Variants in ATP10B observed in about 807,000 individuals in gnomAD.
ATP10B encodes the protein ATPase phospholipid transporting 10B (putative).
ATP10B carries 122 observed loss-of-function variants against 141.2 expected under a neutral mutation model. The ratio of observed to expected loss-of-function variants is 0.86; its 90% CI spans 0.75 to 1.00. ATP10B has a LOEUF of 1.00. Among genes scored for constraint, ATP10B ranks in the 50% least tolerant of loss-of-function variants. ATP10B has a pLI of 0.00. For synonymous variants in ATP10B, 685 were observed against 692.0 expected (o/e 0.99, Z 0.16); for missense variants, 1,876 against 1,825.3 (o/e 1.03, Z -0.51).
At chr5:160,807,752 T>A (rs1772881594) in intron 1 of ATP10B, among the ~76,000 whole-genome samples, 1 of 152,216 alleles carries the variant, frequency 6.6e-6, no homozygotes, top group African/African-American at 2.4e-5. Flanking sequence ...GAATTCTTTT[T>A]AAATGTGATA....
chr5:160,684,625 T>C (rs184658817), intron 6 of ATP10B, among the ~76,000 whole-genome samples: 16 of 152,358 alleles, frequency 1.1e-4, no homozygotes, highest in African/African-American at 3.6e-4. Flanking sequence ...TGCTACATGA[T>C]AAAGACCTCC....
chr5:160,576,665 C>G (rs1755208622), intron 24 of ATP10B, among the ~76,000 whole-genome samples: 1 of 152,104 alleles, frequency 6.6e-6, no homozygotes, highest in Non-Finnish European at 1.5e-5. Flanking sequence ...TGAGATGAGG[C>G]CTGAAGGATG....
intron 1 of ATP10B, among the ~76,000 whole-genome samples, chr5:160,809,250 G>A (rs1772981843): frequency 6.6e-6 from 1 of 152,082 alleles, no homozygotes; most frequent in Non-Finnish European, 1.5e-5. Context: ...TAGCCTGTAG[G>A]CCATTTAAAA....
Position 160,620,521 on chromosome 5 carries a change from C to CA in ATP10B, c.2241dup (p.Val748CysfsTer20). ...AGGCAGGTGCCCTGGGGCAGGCGCA[C>CA]AGTCACCTGCTCAGGTGTCCGGGAC... On this transcript the variant is annotated frameshift_variant, in exon 15 of 26. Transcript: ENST00000327245. LOFTEE classifies it high-confidence loss of function. 6.2e-7 allele frequency: 1 copy of CA among 1,614,136 alleles called. No individual in the cohort carries two copies. Among genetic ancestry groups the CA allele is most frequent in the Non-Finnish European group, 8.5e-7 (1 of 1,179,984 alleles).
the ATP10B span, among the ~76,000 whole-genome samples, chr5:160,865,030 A>T: frequency 6.6e-6 from 1 of 152,104 alleles, no homozygotes; most frequent in Admixed American, 6.6e-5. Flanking sequence ...TGCAATTCCC[A>T]TTAAAATATC....
chr5:160,707,852 G>A (rs541589759), intron 3 of ATP10B, among the ~76,000 whole-genome samples: 8 of 152,316 alleles, frequency 5.3e-5, no homozygotes, highest in Non-Finnish European at 1.2e-4. Flanking sequence ...CAAAATGCCC[G>A]TGGAGACTCA....
At chr5:160,924,944 A>G in the ATP10B span, among the ~76,000 whole-genome samples, 2 of 152,136 alleles carry the variant, frequency 1.3e-5, no homozygotes, top group Admixed American at 6.5e-5. Flanking sequence ...GAGAATCCTG[A>G]AGAGAGGAGA....
At chr5:160,579,085 G>A (rs1005380389) in intron 24 of ATP10B, among the ~76,000 whole-genome samples, 1 of 152,174 alleles carries the variant, frequency 6.6e-6, no homozygotes, top group Non-Finnish European at 1.5e-5. Flanking sequence ...CCCTTTGTCA[G>A]ATGGATAGAT....
intron 1 of ATP10B, among the ~76,000 whole-genome samples, chr5:160,836,716 G>A (rs941151597): frequency 6.6e-6 from 1 of 152,008 alleles, no homozygotes; most frequent in African/African-American, 2.4e-5. Context: ...TGGTCCCTCT[G>A]GTTCCTCTGA....
At chr5:160,660,795 C>T (rs549035016) in intron 7 of ATP10B, among the ~76,000 whole-genome samples, 12 of 152,240 alleles carry the variant, frequency 7.9e-5, no homozygotes, top group Non-Finnish European at 1.3e-4. Flanking sequence ...AACCCCAGTC[C>T]GACTTAGGCA....
the ATP10B span, among the ~76,000 whole-genome samples, chr5:160,867,865 G>A: frequency 2.3e-3 from 348 of 152,176 alleles, no homozygotes; most frequent in Non-Finnish European, 3.5e-3. Flanking sequence ...AATTGTCTTC[G>A]TACATTATTT....
chr5:160,572,056 A>T (rs1382104243), intron 24 of ATP10B, among the ~76,000 whole-genome samples: 1 of 152,208 alleles, frequency 6.6e-6, no homozygotes, highest in Non-Finnish European at 1.5e-5. Context: ...AGTCTGCCAA[A>T]ACAAAAGTTC....
chr5:160,907,912 G>T, the ATP10B span, among the ~76,000 whole-genome samples: 1 of 152,172 alleles, frequency 6.6e-6, no homozygotes, highest in East Asian at 1.9e-4. Flanking sequence ...GCTAAAAGCT[G>T]GTGCGCCTCC....
intron 2 of ATP10B, among the ~76,000 whole-genome samples, chr5:160,752,362 G>T (rs535320543): frequency 1.3e-5 from 2 of 152,038 alleles, no homozygotes; most frequent in Non-Finnish European, 2.9e-5. Context: ...CTTGTGACAG[G>T]CTTAATGAGG....
intron 1 of ATP10B, among the ~76,000 whole-genome samples, chr5:160,829,452 A>G (rs930315250): frequency 6.6e-6 from 1 of 151,918 alleles, no homozygotes; most frequent in Non-Finnish European, 1.5e-5. Context: ...TTGGTTTCAT[A>G]TGCGTTTTAG....
the ATP10B span, among the ~76,000 whole-genome samples, chr5:160,888,241 A>G: frequency 6.6e-6 from 1 of 152,200 alleles, no homozygotes; most frequent in African/African-American, 2.4e-5. Flanking sequence ...ATAAATGTAT[A>G]ATGCTGAGAA....
At chr5:160,652,947 AATATAT>A (rs1561702332) in intron 7 of ATP10B, among the ~76,000 whole-genome samples, 37 of 84,248 alleles carry the variant, frequency 4.4e-4, no homozygotes, top group South Asian at 1.3e-3. Context: ...ATGTATATAT[AATATAT>A]TATATATACA....
At chr5:160,794,997 C>T (rs1771839583) in intron 1 of ATP10B, among the ~76,000 whole-genome samples, 1 of 152,156 alleles carries the variant, frequency 6.6e-6, no homozygotes, top group African/African-American at 2.4e-5. Flanking sequence ...TGCACACTGC[C>T]TGGCAGAGTA....
Position 160,756,089 on chromosome 5 carries a change from CCT to C in ATP10B, c.-331+29468_-331+29469del, listed in dbSNP as rs1377914741. ...TTATAAGTCCCCACAACTCCCCACC[CCT>C]GTTATCCAGGCAATCACTGGTTAAT... On this transcript the variant is annotated intron_variant, in intron 2 of 25. Coordinates refer to ENST00000327245, the MANE Select transcript of ATP10B (RefSeq NM_025153.3). 2.6e-5 allele frequency among the ~76,000 whole-genome samples: 4 copies of C among 151,534 alleles called. No homozygotes were observed. In the East Asian group the frequency reaches 7.7e-4, roughly 29 times the overall value.
Sources: gnomAD v4.1 joint callset for allele counts (sites outside exome capture counted in the v4.1 genomes callset) on GRCh38, gnomAD v4.1.1 for gene constraint, MANE v1.5 for transcripts, NCBI Gene and HGNC (gene_info 2026-07-23, HGNC 2026-07-21) for gene names.